Variants in ZNF75A observed in about 807,000 individuals in gnomAD.
The protein encoded by ZNF75A is zinc finger protein 75A.
A neutral mutation model predicts 46.3 loss-of-function variants in ZNF75A; 36 were observed. The observed-to-expected ratio is 0.78, with a 90% confidence interval of 0.60 to 1.03. The LOEUF is 1.03. Among genes scored for constraint, ZNF75A ranks in the 50% least tolerant of loss-of-function variants. The pLI is 0.00. For missense variants in ZNF75A, 595 were observed against 551.3 expected (o/e 1.08, Z -0.79); for synonymous variants, 234 against 189.9 (o/e 1.23, Z -1.91).
In ZNF75A at chr16:3,308,798, G is replaced by A; in HGVS notation, c.370G>A (p.Glu124Lys). Residue 124 changes from glutamate to lysine, a missense_variant, in exon 2 of 7, where the codon GAA becomes AAA. Coordinates refer to ENST00000669516, the MANE Select transcript of ZNF75A (RefSeq NM_001302109.2). Reference protein sequence around the residue: ...QSIEEAVALVEHLQRESGQTW... With the variant: ...QSIEEAVALVKHLQRESGQTW... The stretch of plus-strand genomic sequence containing the variant: ...CATTGAGGAGGCTGTGGCTCTGGTA[G>A]AACACTTGCAGAGGGAATCTGGTCA... 1 of 986,248 alleles carries A rather than the reference G, an allele frequency of 1.0e-6. No individual in the cohort carries two copies. Among genetic ancestry groups the A allele is most frequent in the Non-Finnish European group, 1.2e-6 (1 of 830,120 alleles). The allele number at this position is 986,248 out of a possible 1,614,324, so 61.1% of individuals were successfully genotyped here.
chr16:3,321,782 A>C (rs1488357937), downstream of ZNF75A, among the ~76,000 whole-genome samples: 1 of 152,176 alleles, frequency 6.6e-6, no homozygotes. Flanking sequence ...GATATCTTTT[A>C]ACTGGAGGGG....
intron 2 of ZNF75A, among the ~76,000 whole-genome samples, chr16:3,309,892 A>C (rs1596390580): frequency 6.6e-6 from 1 of 151,812 alleles, no homozygotes; most frequent in East Asian, 1.9e-4. Flanking sequence ...GGACTGCTTG[A>C]GACCAGCCTG....
rs1451954958 is a variant in ZNF75A, at chr16:3,313,269, G to C, written c.823+94G>C. 4 of 1,338,150 alleles carry C rather than the reference G, an allele frequency of 3.0e-6. No individual in the cohort carries two copies. The African/African-American group carries it at 4.4e-5, about 15-fold the overall frequency. 82.9% of individuals were successfully genotyped at this position (1,338,150 alleles called of 1,614,324 possible). A position where few individuals can be genotyped will look rare whatever the true frequency, so the allele number is the denominator to read the frequency against. The stretch of plus-strand genomic sequence containing the variant: ...TGAGGGGTGTCTTACTGTTCCAGGA[G>C]CTGGTTGATTCTCATCTAGATGGTA... On this transcript the variant is annotated intron_variant, in intron 5 of 6. Transcript: ENST00000669516.
At chr16:3,311,529 G>A (rs930923035) in intron 2 of ZNF75A, 13 of 152,832 alleles carry the variant, frequency 8.5e-5, no homozygotes, top group African/African-American at 3.1e-4. Context: ...TGTGTTAAAG[G>A]GCTGGCAGGC....
chr16:3,311,164 A>G (rs565321608), intron 2 of ZNF75A, among the ~76,000 whole-genome samples: 182 of 152,286 alleles, frequency 1.2e-3, no homozygotes, highest in African/African-American at 4.2e-3. Flanking sequence ...CTGGCTGGGC[A>G]CAATGGCTCA....
chr16:3,313,284 T>C, intron 5 of ZNF75A, 109 bp downstream of exon 5: 1 of 1,160,060 alleles, frequency 8.6e-7, no homozygotes, highest in Non-Finnish European at 1.2e-6. Flanking sequence ...TTGATTCTCA[T>C]CTAGATGGTA....
intron 5 of ZNF75A, chr16:3,315,141 G>A: frequency 1.0e-6 from 1 of 959,420 alleles, no homozygotes; most frequent in Non-Finnish European, 1.2e-6. Context: ...TCTCAGTAAG[G>A]GGCATCAGCA....
rs746549542 is a variant in ZNF75A at position 3,317,551 on chromosome 16, T to G, written c.1296T>G (p.Cys432Trp). ...ACACTGAAGAGAAACCCTATAAATG[T>G]CAACAGTGTGATAAGAGGTTTAGAT... ...RIHTEEKPYK[C>W]QQCDKRFRWS... Residue 432 changes from cysteine to tryptophan, a missense_variant, in exon 7 of 7, where the codon TGT (cysteine) becomes TGG (tryptophan). Transcript: ENST00000669516. The G allele has an allele frequency of 2.5e-6, 4 of 1,614,004 alleles. No individual in the cohort carries two copies. Among genetic ancestry groups the G allele is most frequent in the Non-Finnish European group, 3.4e-6 (4 of 1,180,024 alleles).
chr16:3,319,475 C>T (rs528434899), downstream of ZNF75A, among the ~76,000 whole-genome samples: 147 of 152,324 alleles, frequency 9.7e-4, no homozygotes, highest in African/African-American at 3.4e-3. Context: ...AGCTCTTACC[C>T]AGCACCACCT....
At chr16:3,314,404 C>T (rs1377708966) in intron 5 of ZNF75A, among the ~76,000 whole-genome samples, 1 of 152,176 alleles carries the variant, frequency 6.6e-6, no homozygotes, top group Admixed American at 6.5e-5. Context: ...CCCAGTTGAG[C>T]TGTGCTTTCC....
intron 4 of ZNF75A, 108 bp downstream of exon 4, chr16:3,312,876 A>G (rs758501560): frequency 6.2e-4 from 718 of 1,160,628 alleles, no homozygotes; most frequent in Non-Finnish European, 7.7e-4. Context: ...TCTCTGGGCA[A>G]CTGGGTACCT....
At chr16:3,313,826 C>G (rs1215412647) in intron 5 of ZNF75A, among the ~76,000 whole-genome samples, 2 of 152,184 alleles carry the variant, frequency 1.3e-5, no homozygotes, top group Admixed American at 6.5e-5. Flanking sequence ...CCAGGACACT[C>G]TACAGTCTGG....
At chr16:3,322,830 C>A, downstream of ZNF75A, 2 of 828,616 alleles carry the variant, frequency 2.4e-6, no homozygotes, top group Non-Finnish European at 2.9e-6. Flanking sequence ...TCAATTATGT[C>A]CCTGGGCTTG....
intron 3 of ZNF75A, chr16:3,312,150 C>G (rs1470572199): frequency 6.5e-6 from 1 of 153,678 alleles, no homozygotes; most frequent in Non-Finnish European, 1.4e-5. Context: ...ACAGAAATAT[C>G]TAAACCACAG....
downstream of ZNF75A, among the ~76,000 whole-genome samples, chr16:3,319,337 A>G (rs1596404316): frequency 6.6e-6 from 1 of 151,850 alleles, no homozygotes; most frequent in Non-Finnish European, 1.5e-5. Context: ...CTGGTCTCGA[A>G]CTCCTGACCT....
Position 3,318,335 on chromosome 16 carries a change from T to A in ZNF75A, c.*466T>A. ...ATCACTTGAGTTCCTTCTTAAACTT[T>A]TCGGCAACTTCTCTTGGATCCTGTT... On this transcript the variant is annotated 3_prime_UTR_variant, in exon 7 of 7. Coordinates refer to ENST00000669516, the MANE Select transcript of ZNF75A (RefSeq NM_001302109.2). The A allele has an allele frequency of 1.0e-6, 1 of 988,436 alleles. No homozygotes were observed. Among genetic ancestry groups the A allele is most frequent in the Non-Finnish European group, 1.2e-6 (1 of 831,960 alleles). The allele number at this position is 988,436 out of a possible 1,614,324, so 61.2% of individuals were successfully genotyped here. A position where few individuals can be genotyped will look rare whatever the true frequency, so the allele number is the denominator to read the frequency against.
chr16:3,319,143 C>G (rs527257428), downstream of ZNF75A, among the ~76,000 whole-genome samples: 16 of 152,138 alleles, frequency 1.1e-4, no homozygotes, highest in African/African-American at 3.9e-4. Context: ...GACAGAGTTT[C>G]GCTCTTGTCA....
chr16:3,322,797 C>T (rs1361054387), downstream of ZNF75A: 2 of 562,034 alleles, frequency 3.6e-6, no homozygotes, highest in Admixed American at 6.4e-5. Context: ...TTTTTCAAAA[C>T]AAGGACCCAG....
downstream of ZNF75A, among the ~76,000 whole-genome samples, chr16:3,320,153 C>G (rs1426461005): frequency 1.3e-5 from 2 of 152,082 alleles, no homozygotes; most frequent in Non-Finnish European, 2.9e-5. Context: ...TCATGCCATT[C>G]TCCTGCCTCA....
Sources: allele counts gnomAD v4.1 joint callset (sites outside exome capture counted in the v4.1 genomes callset), GRCh38; gene constraint gnomAD v4.1.1; transcripts MANE v1.5; gene names NCBI Gene and HGNC (gene_info 2026-07-23, HGNC 2026-07-21).